GPC5: variants seen among roughly 807,000 people sequenced by gnomAD.
The protein encoded by GPC5 is glypican 5, also known as glypican-5.
In GPC5, 47 loss-of-function variants were observed where a neutral mutation model predicts 53.9. The observed-to-expected ratio is 0.87, with a 90% CI of 0.69 to 1.11. The LOEUF (loss-of-function observed/expected upper bound fraction) is 1.11. Ranked by LOEUF, GPC5 falls within the 50% of genes most tolerant of loss-of-function variation. GPC5 has a pLI of 0.00. For synonymous variants in GPC5, 286 were observed against 263.3 expected, an observed-to-expected ratio of 1.09 and a Z score of -0.84; for missense variants, 748 against 713.1, an observed-to-expected ratio of 1.05 and a Z score of -0.56.
intron 6 of GPC5, among the ~76,000 whole-genome samples, chr13:91,983,119 G>T (rs2040374715): frequency 6.6e-6 from 1 of 152,092 alleles, no homozygotes. Context: ...GCCGAGACGG[G>T]CGGATCACGA....
chr13:92,822,966 G>A (rs1877723549), intron 7 of GPC5, among the ~76,000 whole-genome samples: 2 of 150,218 alleles, frequency 1.3e-5, no homozygotes, highest in African/African-American at 4.9e-5. Flanking sequence ...CACTTTTTGA[G>A]AAAGTGTGAA....
rs765435472 is a variant in GPC5 at position 91,693,463 on chromosome 13, T to C, written c.602T>C (p.Val201Ala). The C allele has an allele frequency of 9.3e-6, 15 of 1,614,136 alleles. No individual in the cohort carries two copies. The South Asian group carries it at 1.5e-4, about 17-fold the overall frequency. The stretch of plus-strand genomic sequence containing the variant: ...TGCATCCGGATGGCTCGCCGGGATG[T>C]GAGTCCATTTGGTAATATTCCCCAA... ...SECIRMARRD[V>A]SPFGNIPQRV... Residue 201 changes from valine (V) to alanine (A), a missense_variant, in exon 3 of 8, where the codon GTG (valine) becomes GCG (alanine). Val to Ala is a moderately conservative substitution (Grantham distance 64). Coordinates refer to ENST00000377067, the MANE Select transcript of GPC5 (RefSeq NM_004466.6).
At chr13:91,564,386 C>A (rs982710439) in intron 2 of GPC5, among the ~76,000 whole-genome samples, 1 of 152,144 alleles carries the variant, frequency 6.6e-6, no homozygotes, top group African/African-American at 2.4e-5. Flanking sequence ...TTGGCAAGAT[C>A]TGGGTACAAA....
intron 6 of GPC5, among the ~76,000 whole-genome samples, chr13:91,945,153 T>C (rs1047859624): frequency 6.6e-6 from 1 of 152,214 alleles, no homozygotes; most frequent in Admixed American, 6.5e-5. Context: ...AATTCTATCC[T>C]ATGTTTTACA....
intron 7 of GPC5, among the ~76,000 whole-genome samples, chr13:92,506,678 A>G (rs1414828891): frequency 6.6e-6 from 1 of 152,122 alleles, no homozygotes; most frequent in Non-Finnish European, 1.5e-5. Context: ...AATATATAAC[A>G]TCCCTGAGGA....
intron 7 of GPC5, among the ~76,000 whole-genome samples, chr13:92,779,676 C>T (rs987355544): frequency 4.2e-4 from 64 of 152,146 alleles, no homozygotes; most frequent in African/African-American, 1.4e-3. Flanking sequence ...TATTTTTTAA[C>T]TCACCAAGTA....
intron 7 of GPC5, among the ~76,000 whole-genome samples, chr13:92,373,486 T>A (rs1331528155): frequency 6.6e-6 from 1 of 152,200 alleles, no homozygotes; most frequent in Admixed American, 6.5e-5. Flanking sequence ...CTGCAATGAT[T>A]CTAAGTTCTC....
intron 7 of GPC5, among the ~76,000 whole-genome samples, chr13:92,229,694 C>A (rs983922716): frequency 6.6e-6 from 1 of 152,086 alleles, no homozygotes; most frequent in African/African-American, 2.4e-5. Flanking sequence ...GCCGAAACCA[C>A]ATTTTATTAT....
intron 6 of GPC5, among the ~76,000 whole-genome samples, chr13:92,088,266 G>A (rs2041351472): frequency 6.6e-6 from 1 of 151,958 alleles, no homozygotes; most frequent in African/African-American, 2.4e-5. Context: ...TTTGAAGAAC[G>A]GTGTCATTCA....
intron 2 of GPC5, among the ~76,000 whole-genome samples, chr13:91,477,391 G>A (rs1207522580): frequency 6.6e-6 from 1 of 152,086 alleles, no homozygotes; most frequent in Non-Finnish European, 1.5e-5. Flanking sequence ...TGGGTTTCTG[G>A]CTTGAACAAC....
At chr13:92,240,806 C>T (rs2042606612) in intron 7 of GPC5, 1 of 151,886 alleles carries the variant, frequency 6.6e-6, no homozygotes, top group Non-Finnish European at 1.5e-5. Context: ...GCCTGGCCAT[C>T]CTTTGGAGGT....
In GPC5 at chr13:92,052,177, A is replaced by G. The variant is rs76022235; in HGVS notation, c.1402-92653A>G. Reference sequence around the variant, plus strand: ...TGTTAGAGATATGTGAGTATCTCCCATAGACCTGTCATGGAATGCATGGGA... The same window carrying G: ...TGTTAGAGATATGTGAGTATCTCCCGTAGACCTGTCATGGAATGCATGGGA... On this transcript the variant is annotated intron_variant, in intron 6 of 7. Transcript: ENST00000377067. Among the ~76,000 whole-genome samples the G allele has an allele frequency of 3.1e-3, 479 of 152,302 alleles. 4 individuals are homozygous for G. The highest frequency in any genetic ancestry group is 0.025 in the East Asian group (130 of 5,162).
chr13:91,505,027 T>C (rs1395896276), intron 2 of GPC5, among the ~76,000 whole-genome samples: 1 of 152,160 alleles, frequency 6.6e-6, no homozygotes, highest in Non-Finnish European at 1.5e-5. Context: ...TATCACATGG[T>C]TTCATAGGAA....
intron 7 of GPC5, among the ~76,000 whole-genome samples, chr13:92,148,175 TGTGA>T (rs1254111151): frequency 4.6e-5 from 7 of 152,088 alleles, no homozygotes; most frequent in Admixed American, 2.0e-4. Flanking sequence ...TATATATAGT[TGTGA>T]GTATTAATAC....
intron 7 of GPC5, among the ~76,000 whole-genome samples, chr13:92,615,969 G>A (rs1884673843): frequency 6.6e-6 from 1 of 152,098 alleles, no homozygotes; most frequent in Admixed American, 6.5e-5. Flanking sequence ...CAGGAGAATG[G>A]CGTGAACCCG....
At chr13:91,864,901 CTT>C (rs71705146) in intron 5 of GPC5, among the ~76,000 whole-genome samples, 62 of 138,458 alleles carry the variant, frequency 4.5e-4, no homozygotes, top group Admixed American at 1.4e-3. Flanking sequence ...AATTTTCTTT[CTT>C]TTTTTTTTTT....
chr13:92,122,351 G>T (rs1245722561), intron 6 of GPC5, among the ~76,000 whole-genome samples: 1 of 151,518 alleles, frequency 6.6e-6, no homozygotes, highest in Non-Finnish European at 1.5e-5. Context: ...GGCCTCAAAG[G>T]CTCAGATGTC....
At chr13:92,242,917 T>C (rs1439874444) in intron 7 of GPC5, among the ~76,000 whole-genome samples, 1 of 152,180 alleles carries the variant, frequency 6.6e-6, no homozygotes, top group African/African-American at 2.4e-5. Flanking sequence ...TTTCTTACTA[T>C]TATACATTCT....
At chr13:92,780,574 G>T (rs1594502334) in intron 7 of GPC5, among the ~76,000 whole-genome samples, 2 of 151,950 alleles carry the variant, frequency 1.3e-5, no homozygotes, top group East Asian at 3.9e-4. Flanking sequence ...AGTCAGAGGG[G>T]ACATTTTCTA....
Sources: gnomAD v4.1 joint callset for allele counts (sites outside exome capture counted in the v4.1 genomes callset) on GRCh38, gnomAD v4.1.1 for gene constraint, MANE v1.5 for transcripts, NCBI Gene and HGNC (gene_info 2026-07-23, HGNC 2026-07-21) for gene names.